The following DPP6 variants were observed in gnomAD, a reference collection of about 807,000 sequenced individuals.
DPP6 encodes dipeptidyl peptidase like 6, also known as A-type potassium channel modulatory protein DPP6.
Under a neutral mutation model 122.6 loss-of-function variants are expected in DPP6, and 69 were observed. The ratio of observed to expected loss-of-function variants is 0.56; its 90% CI spans 0.46 to 0.69. The LOEUF (loss-of-function observed/expected upper bound fraction) is 0.69. Ranked by LOEUF, DPP6 falls within the 30% of genes least tolerant of loss-of-function variation. The pLI, the probability that DPP6 is intolerant of heterozygous loss-of-function variation, is 0.00. For synonymous variants in DPP6, 418 were observed against 433.1 expected (o/e 0.97, Z 0.43); for missense variants, 928 against 1,116.9 (o/e 0.83, Z 2.41).
At chr7:154,287,780 A>G (rs1015367509) in intron 1 of DPP6, among the ~76,000 whole-genome samples, 1 of 152,164 alleles carries the variant, frequency 6.6e-6, no homozygotes, top group African/African-American at 2.4e-5. Flanking sequence ...TGTCTGGCAG[A>G]GTAGAAAATC....
intron 1 of DPP6, among the ~76,000 whole-genome samples, chr7:154,306,674 T>G (rs1196109248): frequency 5.3e-5 from 8 of 152,212 alleles, no homozygotes; most frequent in Non-Finnish European, 1.0e-4. Flanking sequence ...AGCCCATTTA[T>G]CGATAAAAGG....
chr7:153,924,209 A>G (rs538762584), intron 1 of DPP6, among the ~76,000 whole-genome samples: 19 of 152,126 alleles, frequency 1.2e-4, no homozygotes, highest in Admixed American at 4.6e-4. Context: ...CCTGAGTTCA[A>G]GCGATTCTCC....
chr7:154,697,582 G>T (rs1052830109), intron 7 of DPP6, among the ~76,000 whole-genome samples: 8 of 152,248 alleles, frequency 5.3e-5, no homozygotes, highest in African/African-American at 1.9e-4. Flanking sequence ...TTTGGCAGAG[G>T]TCACATGGAT....
Position 154,735,855 on chromosome 7 carries a change from G to A in DPP6, c.883+7968G>A, listed in dbSNP as rs1014758190. 3.9e-5 allele frequency among the ~76,000 whole-genome samples: 6 copies of A among 152,228 alleles called. No individual in the cohort carries two copies. In the South Asian group the frequency reaches 1.0e-3, roughly 26 times the overall value. ...GAATGTCAGGAGCATAACATAGACT[G>A]TGATTGCCACAGGTAAGCCAGGCTG... On this transcript the variant is annotated intron_variant, in intron 8 of 25. Transcript: ENST00000377770.
At chr7:154,456,458 T>C (rs1820834116) in intron 2 of DPP6, among the ~76,000 whole-genome samples, 1 of 152,196 alleles carries the variant, frequency 6.6e-6, no homozygotes, top group African/African-American at 2.4e-5. Context: ...TTCTTTTTCA[T>C]TCAGTAAATG....
At chr7:153,939,161 TCATC>T (rs766069829) in intron 1 of DPP6, among the ~76,000 whole-genome samples, 3 of 152,206 alleles carry the variant, frequency 2.0e-5, no homozygotes, top group Non-Finnish European at 4.4e-5. Context: ...TGCATTAAGA[TCATC>T]CATTACCTTA....
At chr7:154,860,319 T>A (rs1803272197) in intron 17 of DPP6, among the ~76,000 whole-genome samples, 1 of 152,144 alleles carries the variant, frequency 6.6e-6, no homozygotes, top group African/African-American at 2.4e-5. Flanking sequence ...AGGGCCCACA[T>A]GTCACTGTCA....
At chr7:153,837,259 G>GTT in the DPP6 span, among the ~76,000 whole-genome samples, 35 of 151,372 alleles carry the variant, frequency 2.3e-4, no homozygotes, top group African/African-American at 8.0e-4. Flanking sequence ...CTAAAAATGT[G>GTT]TTTTTTTTTG....
At chr7:153,985,873 C>T (rs565149511) in intron 1 of DPP6, among the ~76,000 whole-genome samples, 1 of 152,262 alleles carries the variant, frequency 6.6e-6, no homozygotes, top group South Asian at 2.1e-4. Flanking sequence ...AAAAAGAAAA[C>T]TCTTTATTTC....
upstream of DPP6, among the ~76,000 whole-genome samples, chr7:154,051,800 G>A (rs553191372): frequency 4.6e-3 from 696 of 150,936 alleles, 4 homozygotes; most frequent in African/African-American, 0.013. Context: ...GCCCTCCTCC[G>A]GAGAGAGGCG....
intron 7 of DPP6, among the ~76,000 whole-genome samples, chr7:154,673,513 G>C (rs75059330): frequency 0.12 from 18,476 of 152,234 alleles, 1,213 homozygotes; most frequent in African/African-American, 0.16. Context: ...AGTGGCCTGT[G>C]TGTTGTTAGT....
chr7:154,051,998 C>CA, upstream of DPP6, among the ~76,000 whole-genome samples: 1 of 150,162 alleles, frequency 6.7e-6, no homozygotes. Flanking sequence ...GAGCCCGGCG[C>CA]CGCAGCGCGT....
intron 1 of DPP6, among the ~76,000 whole-genome samples, chr7:154,265,173 T>C (rs11762023): frequency 0.97 from 135,526 of 139,300 alleles, 65,929 homozygotes; most frequent in South Asian, 0.99. Context: ...ATAATGATGG[T>C]GATGATAATG....
At chr7:154,079,894 A>G (rs1284922628) in intron 1 of DPP6, among the ~76,000 whole-genome samples, 2 of 151,872 alleles carry the variant, frequency 1.3e-5, no homozygotes, top group African/African-American at 2.4e-5. Flanking sequence ...TGCAAACACA[A>G]GACCTGGAGA....
chr7:154,170,391 G>T (rs1327784124), intron 1 of DPP6, among the ~76,000 whole-genome samples: 1 of 152,128 alleles, frequency 6.6e-6, no homozygotes, highest in Non-Finnish European at 1.5e-5. Flanking sequence ...CCTGCACCTT[G>T]GACATGATGA....
At chr7:154,192,244 T>A (rs971280844) in intron 1 of DPP6, among the ~76,000 whole-genome samples, 1 of 152,248 alleles carries the variant, frequency 6.6e-6, no homozygotes, top group African/African-American at 2.4e-5. Flanking sequence ...TTTTTCCCAA[T>A]TGTACAACGT....
chr7:153,912,121 T>C (rs576909780), intron 1 of DPP6, among the ~76,000 whole-genome samples: 42 of 152,214 alleles, frequency 2.8e-4, no homozygotes, highest in Non-Finnish European at 5.6e-4. Context: ...AAAAAAAATA[T>C]GTACACTAAG....
At chr7:154,693,694 C>T (rs1354392397) in intron 7 of DPP6, among the ~76,000 whole-genome samples, 1 of 152,166 alleles carries the variant, frequency 6.6e-6, no homozygotes, top group East Asian at 1.9e-4. Context: ...TAGGAAAGAT[C>T]TGTTCATTGG....
intron 22 of DPP6, among the ~76,000 whole-genome samples, chr7:154,887,323 C>G (rs1441008125): frequency 1.3e-5 from 2 of 152,208 alleles, no homozygotes. Context: ...TGGAAATGTG[C>G]TCTCTTACCA....
Sources: gnomAD v4.1 joint callset for allele counts (sites outside exome capture counted in the v4.1 genomes callset) on GRCh38, gnomAD v4.1.1 for gene constraint, MANE v1.5 for transcripts, NCBI Gene and HGNC (gene_info 2026-07-23, HGNC 2026-07-21) for gene names.